The following IL31RA variants were observed in gnomAD, a reference collection of about 807,000 sequenced individuals.
The protein encoded by IL31RA is interleukin-31 receptor subunit alpha.
A neutral mutation model predicts 83.7 loss-of-function variants in IL31RA; 66 were observed. The ratio of observed to expected loss-of-function variants is 0.79; its 90% CI spans 0.65 to 0.97. The LOEUF (loss-of-function observed/expected upper bound fraction) is 0.97. IL31RA is among the 50% of genes least tolerant of loss of function. The pLI is 0.00. For missense variants in IL31RA, 798 were observed against 919.4 expected, an observed-to-expected ratio of 0.87 and a Z score of 1.71; for synonymous variants, 325 against 329.0, an observed-to-expected ratio of 0.99 and a Z score of 0.13.
rs553038813 is a variant in IL31RA at position 55,884,455 on chromosome 5, G to C, written c.606+1260G>C. Reference sequence around the variant, plus strand: ...ATTTATTGCCTTTTTATAAATTTTAGACAGGGTCTCACTCTGTTACCCAGG... The same window carrying C: ...ATTTATTGCCTTTTTATAAATTTTACACAGGGTCTCACTCTGTTACCCAGG... On this transcript the variant is annotated intron_variant, in intron 5 of 14. Transcript: ENST00000652347. Among the ~76,000 whole-genome samples, 10 of 152,030 alleles carry C rather than the reference G, an allele frequency of 6.6e-5. No homozygotes were observed. In the South Asian group the frequency reaches 1.2e-3, roughly 19 times the overall value.
At chr5:55,916,302 G>A (rs1749777167) in intron 14 of IL31RA, among the ~76,000 whole-genome samples, 1 of 151,844 alleles carries the variant, frequency 6.6e-6, no homozygotes, top group Admixed American at 6.6e-5. Flanking sequence ...ATTACCTGAG[G>A]CTGAGAAGTT....
intron 5 of IL31RA, among the ~76,000 whole-genome samples, chr5:55,889,563 T>A (rs1302987832): frequency 6.6e-6 from 1 of 152,266 alleles, no homozygotes; most frequent in African/African-American, 2.4e-5. Context: ...TTGCATTTGA[T>A]GCAGCTAAGG....
chr5:55,849,902 A>G (rs1453328764), upstream of IL31RA, among the ~76,000 whole-genome samples: 1 of 152,224 alleles, frequency 6.6e-6, no homozygotes, highest in African/African-American at 2.4e-5. Flanking sequence ...AAATGGTCAC[A>G]TGGGAGATAA....
chr5:55,922,342 T>G lies in IL31RA; in HGVS notation c.*5222T>G, dbSNP rs1286315172. On this transcript the variant is annotated 3_prime_UTR_variant, in exon 15 of 15. Transcript: ENST00000652347. ...GGGCAAAACCTGCTGTCAGCAATGCTCTCGTGGCTGTTCAAGGGAAGTGAG... is the reference window on the plus strand; with the variant it reads ...GGGCAAAACCTGCTGTCAGCAATGCGCTCGTGGCTGTTCAAGGGAAGTGAG... 8.1e-6 allele frequency: 12 copies of G among 1,475,278 alleles called. No homozygotes were observed. Among genetic ancestry groups the G allele is most frequent in the African/African-American group, 1.4e-5 (1 of 71,506 alleles). 91.4% of individuals were successfully genotyped at this position (1,475,278 alleles called of 1,614,324 possible).
the IL31RA span, among the ~76,000 whole-genome samples, chr5:55,840,904 T>C: frequency 6.6e-6 from 1 of 152,222 alleles, no homozygotes; most frequent in African/African-American, 2.4e-5. Flanking sequence ...TGACTGATAA[T>C]GGCTGCGATC....
At chr5:55,881,219 G>A (rs1425948722) in intron 4 of IL31RA, among the ~76,000 whole-genome samples, 8 of 151,742 alleles carry the variant, frequency 5.3e-5, no homozygotes, top group Non-Finnish European at 1.2e-4. Flanking sequence ...GGAGAATGGC[G>A]TGAACCCGGA....
chr5:55,912,783 G>A (rs1233530416), intron 12 of IL31RA, among the ~76,000 whole-genome samples: 2 of 151,314 alleles, frequency 1.3e-5, no homozygotes, highest in African/African-American at 2.4e-5. Context: ...GCAACAGAGC[G>A]AGACTCCATC....
At chr5:55,883,335 CA>C in intron 5 of IL31RA, 140 bp downstream of exon 5, 1 of 842,266 alleles carries the variant, frequency 1.2e-6, no homozygotes, top group Non-Finnish European at 1.9e-6. Context: ...CTTCTCCTTC[CA>C]GTTTTCCATT....
At chr5:55,861,813 C>G (rs1399060163) in intron 2 of IL31RA, among the ~76,000 whole-genome samples, 1 of 152,236 alleles carries the variant, frequency 6.6e-6, no homozygotes, top group African/African-American at 2.4e-5. Context: ...TCCTACAAAA[C>G]TGGCTCCAAT....
At chr5:55,888,364 C>T (rs986535141) in intron 5 of IL31RA, among the ~76,000 whole-genome samples, 2 of 152,088 alleles carry the variant, frequency 1.3e-5, no homozygotes, top group African/African-American at 4.8e-5. Context: ...ACTGAGCAGC[C>T]GTTTCATCTT....
Position 55,907,436 on chromosome 5 carries a change from A to G in IL31RA, c.1330A>G (p.Ile444Val), listed in dbSNP as rs148100040. 374 of 1,612,162 alleles carry G rather than the reference A, an allele frequency of 2.3e-4. No homozygotes were observed. The African/African-American group carries it at 4.1e-3, about 18-fold the overall frequency. The change falls in exon 10 of 15, where the codon ATC (isoleucine) becomes GTC (valine). Residue 444 changes from isoleucine (I) to valine (V), a missense_variant. Ile to Val is a conservative substitution (Grantham distance 29, BLOSUM62 3). Transcript: ENST00000652347. ...TGACAAAGTTGGCGAGCCATATTCC[A>G]TCCAGGCTTATGCCAAAGAAGGCGG... ...LHDKVGEPYS[I>V]QAYAKEGVPS...
rs35672011 is a variant in IL31RA at position 55,891,761 on chromosome 5, ATTTTTTTTTT to A, written c.772+1649_772+1658del. The stretch of plus-strand genomic sequence containing the variant: ...TACAGGTTCCAGGGATTTGGACAAG[ATTTTTTTTTT>A]TTTTTTTTTTTTTTTTTTTTTTGAG... On this transcript the variant is annotated intron_variant, in intron 6 of 14. Coordinates refer to ENST00000652347, the MANE Select transcript of IL31RA (RefSeq NM_139017.7). 4.2e-3 allele frequency among the ~76,000 whole-genome samples: 254 copies of A among 60,020 alleles called. 2 individuals are homozygous for A. The highest frequency in any genetic ancestry group is 0.014 in the South Asian group (16 of 1,118). The allele number at this position is 60,020 out of a possible 152,430, so 39.4% of individuals were successfully genotyped here.
chr5:55,917,287 A>G lies in IL31RA; in HGVS notation c.*167A>G. On this transcript the variant is annotated 3_prime_UTR_variant, in exon 15 of 15. Coordinates refer to ENST00000652347, the MANE Select transcript of IL31RA (RefSeq NM_139017.7). ...GTTGAACTTGGTCGGCAAAGATGCG[A>G]CCTTGTACTGGGAAGAAGGGATGGT... The G allele has an allele frequency of 6.5e-7, 1 of 1,529,320 alleles. No homozygotes were observed. Among genetic ancestry groups the G allele is most frequent in the Non-Finnish European group, 8.7e-7 (1 of 1,144,962 alleles). 94.7% of individuals were successfully genotyped at this position (1,529,320 alleles called of 1,614,324 possible).
intron 8 of IL31RA, among the ~76,000 whole-genome samples, chr5:55,902,616 G>A (rs1748898775): frequency 6.6e-6 from 1 of 152,174 alleles, no homozygotes; most frequent in African/African-American, 2.4e-5. Flanking sequence ...CAGCCTGAGT[G>A]ACAGAGCGAG....
At chr5:55,892,623 T>C (rs146909418) in intron 6 of IL31RA, among the ~76,000 whole-genome samples, 221 of 152,346 alleles carry the variant, frequency 1.5e-3, no homozygotes, top group Middle Eastern at 6.8e-3. Context: ...GCAGGCAAGC[T>C]GATGATTAAG....
In IL31RA at chr5:55,922,461, C is replaced by T; in HGVS notation, c.*5341C>T. On this transcript the variant is annotated 3_prime_UTR_variant, in exon 15 of 15. Coordinates refer to ENST00000652347, the MANE Select transcript of IL31RA (RefSeq NM_139017.7). ...TGGACTAAAATGCGAGAAAGGTGTC[C>T]TGTGGTCTATGCAAATTAGAAAGGA... 1 of 1,541,144 alleles carries T rather than the reference C, an allele frequency of 6.5e-7. No homozygotes were observed. Among genetic ancestry groups the T allele is most frequent in the South Asian group, 1.2e-5 (1 of 83,764 alleles).
rs142632282 is a variant in IL31RA at position 55,868,799 on chromosome 5, G to C, written c.163G>C (p.Ala55Pro). 1.3e-6 allele frequency: 2 copies of C among 1,589,826 alleles called. No individual in the cohort carries two copies. The highest frequency in any genetic ancestry group is 1.3e-5 in the African/African-American group (1 of 74,326). ...LCKFSLAALP[A>P]KPENISCVYY... ...GTGTTTAATTTATTTAGCTCTGCCA[G>C]CTAAGCCTGAGAACATTTCCTGTGT... Residue 55 changes from alanine to proline, a missense_variant, in exon 3 of 15, where the codon GCT (alanine) becomes CCT (proline). Ala to Pro is a conservative substitution (Grantham distance 27). Coordinates refer to ENST00000652347, the MANE Select transcript of IL31RA (RefSeq NM_139017.7).
chr5:55,865,146 G>A (rs932429151), intron 2 of IL31RA, among the ~76,000 whole-genome samples: 1 of 152,214 alleles, frequency 6.6e-6, no homozygotes, highest in African/African-American at 2.4e-5. Flanking sequence ...GGCTCTTTGA[G>A]AAATGTGTTA....
At chr5:55,846,817 T>A (rs4323194), upstream of IL31RA, among the ~76,000 whole-genome samples, 92,344 of 151,908 alleles carry the variant, frequency 0.61, 29,199 homozygotes, top group South Asian at 0.73. Context: ...TATTTTATGA[T>A]GTTACAAAAT....
Sources: gnomAD v4.1 joint callset for allele counts (sites outside exome capture counted in the v4.1 genomes callset) on GRCh38, gnomAD v4.1.1 for gene constraint, MANE v1.5 for transcripts, NCBI Gene and HGNC (gene_info 2026-07-23, HGNC 2026-07-21) for gene names.